ACYP1: variants seen among roughly 807,000 people sequenced by gnomAD.
ACYP1 encodes the protein acylphosphatase-1.
Under a neutral mutation model 10.4 loss-of-function variants are expected in ACYP1, and 8 were observed. That is an observed-to-expected ratio of 0.77 (90% CI 0.45 to 1.38). The LOEUF is 1.38. Ranked by LOEUF, ACYP1 falls within the 40% of genes most tolerant of loss-of-function variation. The pLI is 0.00. For missense variants in ACYP1, 93 were observed against 117.3 expected (o/e 0.79, Z 0.96); for synonymous variants, 38 against 40.8 (o/e 0.93, Z 0.26).
upstream of ACYP1, among the ~76,000 whole-genome samples, chr14:75,067,738 T>TCTC (rs1893169392): frequency 6.6e-6 from 1 of 152,064 alleles, no homozygotes; most frequent in Non-Finnish European, 1.5e-5. Context: ...ACGTCTATAA[T>TCTC]CTCAGTACTT....
Position 75,063,750 on chromosome 14 carries a change from G to A in ACYP1, c.-8-189C>T, listed in dbSNP as rs534434569. 3.9e-4 allele frequency among the ~76,000 whole-genome samples: 60 copies of A among 152,092 alleles called. 1 individual carries two copies. The highest frequency in any genetic ancestry group is 7.4e-4 in the Non-Finnish European group (50 of 68,020). On this transcript the variant is annotated intron_variant, in intron 1 of 2. Coordinates refer to ENST00000238618, the MANE Select transcript of ACYP1 (RefSeq NM_001107.5). ...TGTGTGAAGGAAGAACCAGACGCCG[G>A]GAGAGGGAGCTTCGGATCGCAGCTG...
rs146786136 is a variant in ACYP1, at chr14:75,062,824, A to C, written c.84+646T>G. ...GGGAAGATTAGCCACATTAAAGCAG[A>C]GGTAGAGGCTGCCAACAGTTTGTCC... On this transcript the variant is annotated intron_variant, in intron 2 of 2. Transcript: ENST00000238618. 9.1e-4 allele frequency among the ~76,000 whole-genome samples: 139 copies of C among 152,310 alleles called. 1 individual carries two copies. The highest frequency in any genetic ancestry group is 3.2e-3 in the African/African-American group (135 of 41,566).
At chr14:75,066,807 G>A (rs566384872), upstream of ACYP1, among the ~76,000 whole-genome samples, 32 of 152,218 alleles carry the variant, frequency 2.1e-4, no homozygotes, top group South Asian at 5.0e-3. Flanking sequence ...AGCTGAGATC[G>A]CGCCACTCCA....
intron 2 of ACYP1, among the ~76,000 whole-genome samples, chr14:75,058,303 G>T (rs1200801001): frequency 6.6e-6 from 1 of 151,124 alleles, no homozygotes; most frequent in African/African-American, 2.5e-5. Context: ...ACAAAAATTA[G>T]CTGGGTGTGG....
At chr14:75,061,828 A>G in intron 2 of ACYP1, 1 of 1,212,076 alleles carries the variant, frequency 8.3e-7, no homozygotes. Flanking sequence ...TTGGCCGGGC[A>G]CAGTGGCTCA....
chr14:75,061,683 C>A (rs1247826285), intron 2 of ACYP1: 1 of 1,584,700 alleles, frequency 6.3e-7, no homozygotes, highest in Non-Finnish European at 8.6e-7. Context: ...CAGGAACTTA[C>A]CTGCATAACT....
exon 1 of ACYP1, chr14:75,069,437 C>G: frequency 1.6e-6 from 1 of 637,534 alleles, no homozygotes; most frequent in Non-Finnish European, 2.5e-6. Context: ...CGCCCCTCCC[C>G]GGCTCCCCAA....
chr14:75,053,957 TG>T (rs1452052975), intron 2 of ACYP1, among the ~76,000 whole-genome samples: 4 of 152,242 alleles, frequency 2.6e-5, no homozygotes, highest in Non-Finnish European at 5.9e-5. Flanking sequence ...GCTTTTGAAA[TG>T]ATCCCCTAAG....
At chr14:75,065,098 G>C (rs1443033393), upstream of ACYP1, among the ~76,000 whole-genome samples, 1 of 152,246 alleles carries the variant, frequency 6.6e-6, no homozygotes, top group East Asian at 1.9e-4. Flanking sequence ...TTTGGGAACA[G>C]GGAATTGTCA....
chr14:75,060,685 G>C (rs1349082612), intron 2 of ACYP1, among the ~76,000 whole-genome samples: 3 of 152,164 alleles, frequency 2.0e-5, no homozygotes, highest in African/African-American at 4.8e-5. Context: ...ACATGCTACA[G>C]TGTAGATAAA....
upstream of ACYP1, among the ~76,000 whole-genome samples, chr14:75,065,241 TAC>T (rs1893123471): frequency 6.6e-6 from 1 of 152,244 alleles, no homozygotes; most frequent in African/African-American, 2.4e-5. Flanking sequence ...CTGTATACAT[TAC>T]ACCTCTTCAT....
intron 2 of ACYP1, among the ~76,000 whole-genome samples, chr14:75,055,330 G>A (rs1268268258): frequency 6.6e-6 from 1 of 150,918 alleles, no homozygotes; most frequent in African/African-American, 2.5e-5. Context: ...CTCATGATCC[G>A]CCTGCCTCGG....
rs1892801942 is a variant in ACYP1, at chr14:75,053,628, C to A, written c.116G>T (p.Trp39Leu). 2 of 1,614,122 alleles carry A rather than the reference C, an allele frequency of 1.2e-6. No individual in the cohort carries two copies. The highest frequency in any genetic ancestry group is 1.7e-6 in the Non-Finnish European group (2 of 1,180,032). Residue 39 changes from tryptophan to leucine, a missense_variant, in exon 3 of 3, where the codon TGG becomes TTG. By Grantham distance (61) the Trp-to-Leu change is moderately conservative. Transcript: ENST00000238618. ...TGTGCCCCGGTCAGTGTTCTGGACC[C>A]AGCCTACCAATCCCAGCTTTTTACC... is the stretch of plus-strand genomic sequence containing the variant. The part of the protein sequence containing the change: ...AEGKKLGLVG[W>L]VQNTDRGTVQ...
chr14:75,062,659 C>CAAAAAAAAAAAAA (rs534860020), intron 2 of ACYP1, among the ~76,000 whole-genome samples: 7 of 103,382 alleles, frequency 6.8e-5, no homozygotes, highest in East Asian at 3.4e-4. Flanking sequence ...ACTAAAAATA[C>CAAAAAAAAAAAAA]AAAAAAAAAA....
upstream of ACYP1, among the ~76,000 whole-genome samples, chr14:75,066,712 C>T (rs8021828): frequency 9.2e-3 from 1,392 of 152,124 alleles, 28 homozygotes; most frequent in African/African-American, 0.032. Context: ...ATTAGTTGGG[C>T]GTGGTGGTGC....
chr14:75,057,656 C>T (rs1027539654), intron 2 of ACYP1, among the ~76,000 whole-genome samples: 2 of 151,186 alleles, frequency 1.3e-5, no homozygotes, highest in Admixed American at 6.6e-5. Context: ...TGGCTTAGAC[C>T]ATTTCGTGTT....
At chr14:75,053,775 G>T in intron 2 of ACYP1, 116 bp from the exon 3 acceptor site, 2 of 869,726 alleles carry the variant, frequency 2.3e-6, no homozygotes, top group Non-Finnish European at 3.6e-6. Flanking sequence ...ATTTGATATT[G>T]CCCAGAACAG....
At position 75,053,518 on chromosome 14, in the gene ACYP1, T is replaced by C. The variant is rs924719795; in HGVS notation, c.226A>G (p.Ile76Val). 1.9e-6 allele frequency: 3 copies of C among 1,614,228 alleles called. No homozygotes were observed. The highest frequency in any genetic ancestry group is 3.3e-5 in the Admixed American group (2 of 60,018). ...LETRGSPKSH[I>V]DKANFNNEKV... ...TCATTGTTGAAGTTTGCTTTGTCGA[T>C]GTGTGATTTAGGACTTCCTCTTGTT... Residue 76 changes from isoleucine to valine, a missense_variant, in exon 3 of 3, where the codon ATC (isoleucine) becomes GTC (valine). Physicochemically the swap from Ile to Val is conservative, Grantham distance 29. Transcript: ENST00000238618.
upstream of ACYP1, among the ~76,000 whole-genome samples, chr14:75,068,481 G>A (rs747870225): frequency 6.6e-6 from 1 of 151,618 alleles, no homozygotes. Flanking sequence ...GGAGAGGGAA[G>A]GAGAGAGAGA....
Sources: gnomAD v4.1 joint callset for allele counts (sites outside exome capture counted in the v4.1 genomes callset) on GRCh38, gnomAD v4.1.1 for gene constraint, MANE v1.5 for transcripts, NCBI Gene and HGNC (gene_info 2026-07-23, HGNC 2026-07-21) for gene names.